Variants in AGBL4 observed in about 807,000 individuals in gnomAD.
AGBL4 encodes the protein cytosolic carboxypeptidase 6.
A neutral mutation model predicts 66.4 loss-of-function variants in AGBL4; 58 were observed. That is an observed-to-expected ratio of 0.87 (90% CI 0.71 to 1.09). AGBL4 has a LOEUF of 1.09. AGBL4 is among the 50% of genes least tolerant of loss of function. AGBL4 has a pLI of 0.00. For synonymous variants in AGBL4, 234 were observed against 222.9 expected (o/e 1.05, Z -0.44); for missense variants, 579 against 631.0 (o/e 0.92, Z 0.88).
intron 5 of AGBL4, among the ~76,000 whole-genome samples, chr1:48,981,841 A>G (rs1173098526): frequency 6.6e-6 from 1 of 152,242 alleles, no homozygotes; most frequent in African/African-American, 2.4e-5. Flanking sequence ...GGTTGCAGTG[A>G]GCCAAGATTG....
intron 3 of AGBL4, among the ~76,000 whole-genome samples, chr1:49,336,980 A>C (rs1189165964): frequency 6.6e-6 from 1 of 152,222 alleles, no homozygotes; most frequent in Non-Finnish European, 1.5e-5. Flanking sequence ...TATGACTCTC[A>C]ATCTTGAGAT....
At chr1:49,288,867 C>G (rs1273420803) in intron 3 of AGBL4, among the ~76,000 whole-genome samples, 1 of 152,140 alleles carries the variant, frequency 6.6e-6, no homozygotes, top group East Asian at 1.9e-4. Context: ...TTCTCAAATG[C>G]TGTCTGCCTG....
chr1:48,699,523 G>A (rs1262195548), intron 6 of AGBL4, among the ~76,000 whole-genome samples: 3 of 152,096 alleles, frequency 2.0e-5, no homozygotes, highest in African/African-American at 7.2e-5. Context: ...CTGGCCATTG[G>A]AATCCACTCT....
intron 6 of AGBL4, among the ~76,000 whole-genome samples, chr1:48,847,280 A>G (rs1181851561): frequency 6.6e-6 from 1 of 152,144 alleles, no homozygotes; most frequent in African/African-American, 2.4e-5. Flanking sequence ...AGCCTGGGCA[A>G]CAAGAGCAAA....
intron 3 of AGBL4, among the ~76,000 whole-genome samples, chr1:49,524,692 G>T (rs1331518159): frequency 1.3e-5 from 2 of 151,332 alleles, no homozygotes; most frequent in Non-Finnish European, 2.9e-5. Flanking sequence ...ATCCCTCTCT[G>T]CCCAGGAAAC....
At chr1:49,276,324 A>G (rs1644167443) in intron 3 of AGBL4, among the ~76,000 whole-genome samples, 1 of 152,100 alleles carries the variant, frequency 6.6e-6, no homozygotes, top group African/African-American at 2.4e-5. Context: ...TGTACCTAAC[A>G]ATCTCTAAAC....
intron 7 of AGBL4, among the ~76,000 whole-genome samples, chr1:48,656,475 G>C (rs948164079): frequency 6.6e-6 from 1 of 152,174 alleles, no homozygotes; most frequent in African/African-American, 2.4e-5. Flanking sequence ...TGCCTCAGAG[G>C]GGTGCACAGT....
intron 7 of AGBL4, among the ~76,000 whole-genome samples, chr1:48,660,198 A>G (rs1367333574): frequency 6.6e-6 from 1 of 152,156 alleles, no homozygotes; most frequent in Admixed American, 6.5e-5. Context: ...CAACAAGCAG[A>G]GTCTTGAGGA....
intron 6 of AGBL4, among the ~76,000 whole-genome samples, chr1:48,790,409 T>C (rs1570680483): frequency 6.6e-6 from 1 of 152,164 alleles, no homozygotes; most frequent in Non-Finnish European, 1.5e-5. Context: ...AAAAATTTCA[T>C]CCTGAAGGTT....
At chr1:49,663,156 A>T in intron 3 of AGBL4, among the ~76,000 whole-genome samples, 1 of 152,164 alleles carries the variant, frequency 6.6e-6, no homozygotes, top group Admixed American at 6.6e-5. Flanking sequence ...ATGAAGACAA[A>T]TTTAGAAAAT....
At chr1:49,755,613 A>G (rs1364381440) in intron 2 of AGBL4, among the ~76,000 whole-genome samples, 2 of 152,196 alleles carry the variant, frequency 1.3e-5, no homozygotes, top group Non-Finnish European at 2.9e-5. Context: ...CACACAAAAA[A>G]TCTCCATCTC....
intron 2 of AGBL4, among the ~76,000 whole-genome samples, chr1:49,831,504 T>C (rs1367725377): frequency 1.3e-5 from 2 of 152,160 alleles, no homozygotes; most frequent in African/African-American, 4.8e-5. Flanking sequence ...CTAAGGAGAT[T>C]TGGGGCTGAC....
At chr1:48,945,342 T>G (rs78765249) in intron 5 of AGBL4, among the ~76,000 whole-genome samples, 3 of 152,110 alleles carry the variant, frequency 2.0e-5, no homozygotes, top group Non-Finnish European at 4.4e-5. Flanking sequence ...GACCAGGATC[T>G]AAACCCAACA....
At chr1:49,967,262 C>A (rs993086031) in intron 1 of AGBL4, among the ~76,000 whole-genome samples, 2 of 152,100 alleles carry the variant, frequency 1.3e-5, no homozygotes, top group East Asian at 3.9e-4. Flanking sequence ...ACCAGTGAAC[C>A]GAAATGTCCA....
In AGBL4 at chr1:49,006,782, G is replaced by A. The variant is rs935469832; in HGVS notation, c.594+38802C>T. Among the ~76,000 whole-genome samples, 212 of 151,658 alleles carry A rather than the reference G, an allele frequency of 1.4e-3. 2 individuals are homozygous for A. Among genetic ancestry groups the A allele is most frequent in the African/African-American group, 4.6e-3 (191 of 41,470 alleles). On this transcript the variant is annotated intron_variant, in intron 5 of 13. Coordinates refer to ENST00000371839, the MANE Select transcript of AGBL4 (RefSeq NM_032785.4). The stretch of plus-strand genomic sequence containing the variant: ...GCAGGGGCACACTGACACCTCACAC[G>A]GCAGAGTATTCCAACAGACCTGCAG...
chr1:49,912,706 A>G (rs989479517), intron 1 of AGBL4, among the ~76,000 whole-genome samples: 14 of 152,214 alleles, frequency 9.2e-5, no homozygotes, highest in African/African-American at 3.4e-4. Context: ...TTCTTCTGCT[A>G]TAACAGAATA....
chr1:49,601,376 A>C (rs1644954930), intron 3 of AGBL4, among the ~76,000 whole-genome samples: 1 of 151,562 alleles, frequency 6.6e-6, no homozygotes, highest in South Asian at 2.1e-4. Flanking sequence ...TATTTCATTA[A>C]GTTGATCTTC....
At chr1:49,459,293 G>T (rs1323239008) in intron 3 of AGBL4, among the ~76,000 whole-genome samples, 3 of 151,612 alleles carry the variant, frequency 2.0e-5, no homozygotes, top group Admixed American at 6.6e-5. Flanking sequence ...CTTGTAATTG[G>T]TCTATTCAGA....
intron 2 of AGBL4, among the ~76,000 whole-genome samples, chr1:49,793,169 GAAC>G (rs1403826152): frequency 7.9e-5 from 12 of 151,910 alleles, no homozygotes; most frequent in African/African-American, 2.9e-4. Flanking sequence ...AGATCTATGA[GAAC>G]AAGAACTTTG....
Sources: gnomAD v4.1 joint callset for allele counts (sites outside exome capture counted in the v4.1 genomes callset) on GRCh38, gnomAD v4.1.1 for gene constraint, MANE v1.5 for transcripts, NCBI Gene and HGNC (gene_info 2026-07-23, HGNC 2026-07-21) for gene names.